The following CPT1A variants were observed in gnomAD, a reference collection of about 807,000 sequenced individuals.
The protein encoded by CPT1A is carnitine palmitoyltransferase 1A, also known as carnitine O-palmitoyltransferase 1, liver isoform.
A neutral mutation model predicts 100.8 loss-of-function variants in CPT1A; 64 were observed. The ratio of observed to expected loss-of-function variants is 0.63; its 90% CI spans 0.52 to 0.78. The LOEUF is 0.78. CPT1A is among the 30% of genes least tolerant of loss of function. The pLI, the probability that CPT1A is intolerant of heterozygous loss-of-function variation, is 0.00. For missense variants in CPT1A, 802 were observed against 1,034.1 expected (o/e 0.78, Z 3.08); for synonymous variants, 363 against 396.0 (o/e 0.92, Z 0.99).
In CPT1A at chr11:68,807,409, C is replaced by T. The variant is rs113332417; in HGVS notation, c.453+58G>A. 1.1e-5 allele frequency: 17 copies of T among 1,558,870 alleles called. No homozygotes were observed. In the African/African-American group the frequency reaches 2.0e-4, roughly 19 times the overall value. ...AGGGGTGTCCTTCCGCAGGGGTGTCCTTCTTCCCAAAGCCCAAACTGTCCA... is the reference window on the plus strand; with the variant it reads ...AGGGGTGTCCTTCCGCAGGGGTGTCTTTCTTCCCAAAGCCCAAACTGTCCA... On this transcript the variant is annotated intron_variant, in intron 4 of 18. Transcript: ENST00000265641.
chr11:68,841,941 G>A, upstream of CPT1A: 1 of 984,954 alleles, frequency 1.0e-6, no homozygotes, highest in Non-Finnish European at 1.2e-6. The surrounding 1 kb of genome is among the most constrained non-coding windows in gnomAD (Gnocchi z 6.3). Flanking sequence ...CGGCTGCGGC[G>A]CCTGCAGGCG....
rs746957592 is a variant in CPT1A at position 68,807,560 on chromosome 11, G to A, written c.360C>T (p.Val120=). The stretch of plus-strand genomic sequence containing the variant: ...GCACTTTCAGGGAGTAGCGCATGGT[G>A]ACGATGAGGGCCACCCACAGGCCGG... ...FGTGLWVALI[V]TMRYSLKVLL... The change falls in exon 4 of 19, where the codon GTC becomes GTT. Residue 120 remains valine, a synonymous_variant. Coordinates refer to ENST00000265641, the MANE Select transcript of CPT1A (RefSeq NM_001876.4). 5 of 1,614,070 alleles carry A rather than the reference G, an allele frequency of 3.1e-6. No homozygotes were observed. The highest frequency in any genetic ancestry group is 2.7e-5 in the African/African-American group (2 of 74,928).
At chr11:68,841,969 G>A, upstream of CPT1A, 4 of 985,340 alleles carry the variant, frequency 4.1e-6, no homozygotes, top group Non-Finnish European at 4.8e-6. This position sits in a 1 kb window ranked among gnomAD's most constrained non-coding sequence, Gnocchi z 6.3. Flanking sequence ...CCCGGCGCGC[G>A]GAGGGCGGGC....
chr11:68,795,814 G>A (rs1855741467), intron 7 of CPT1A, among the ~76,000 whole-genome samples: 1 of 151,860 alleles, frequency 6.6e-6, no homozygotes, highest in African/African-American at 2.4e-5. Flanking sequence ...GGAGGCTGAG[G>A]CAGGAGAATT....
chr11:68,769,990 G>A (rs1854941185), intron 14 of CPT1A, among the ~76,000 whole-genome samples: 1 of 151,578 alleles, frequency 6.6e-6, no homozygotes, highest in Non-Finnish European at 1.5e-5. Flanking sequence ...CGAGTGAGCA[G>A]CCGAGGCTGC....
At chr11:68,784,495 T>C (rs1855397725) in intron 10 of CPT1A, among the ~76,000 whole-genome samples, 1 of 152,042 alleles carries the variant, frequency 6.6e-6, no homozygotes, top group Non-Finnish European at 1.5e-5. Context: ...GACAGTGCCA[T>C]TGCATTCCAG....
At chr11:68,783,307 C>T (rs1032789388) in intron 10 of CPT1A, among the ~76,000 whole-genome samples, 6 of 151,854 alleles carry the variant, frequency 4.0e-5, no homozygotes, top group African/African-American at 1.5e-4. Context: ...CCACCTGAAG[C>T]GGCACCCAGT....
rs1435867047 is a variant in CPT1A at position 68,755,871 on chromosome 11, T to G, written c.*1773A>C. The stretch of plus-strand genomic sequence containing the variant: ...GCTCATGCCTGTAATCCCAGCACTT[T>G]GGGAGGCTGAGGCAGGTGGATCACC... On this transcript the variant is annotated 3_prime_UTR_variant, in exon 19 of 19. Transcript: ENST00000265641. 2.0e-5 allele frequency: 3 copies of G among 150,998 alleles called. No individual in the cohort carries two copies. Among genetic ancestry groups the G allele is most frequent in the African/African-American group, 7.3e-5 (3 of 41,128 alleles). The allele number at this position is 150,998 out of a possible 1,614,324, so 9.4% of individuals were successfully genotyped here. A position where few individuals can be genotyped will look rare whatever the true frequency, so the allele number is the denominator to read the frequency against.
chr11:68,794,649 G>T (rs1201394504), intron 8 of CPT1A, among the ~76,000 whole-genome samples, 155 bp downstream of exon 8: 1 of 152,224 alleles, frequency 6.6e-6, no homozygotes, highest in Non-Finnish European at 1.5e-5. Context: ...AACCTCAGAT[G>T]ATCCGCCTGC....
intron 5 of CPT1A, among the ~76,000 whole-genome samples, chr11:68,801,007 G>A (rs114380248): frequency 0.012 from 1,760 of 152,058 alleles, 34 homozygotes; most frequent in African/African-American, 0.04. Flanking sequence ...TACTTGGGAG[G>A]CTAAGGCAGG....
intron 5 of CPT1A, among the ~76,000 whole-genome samples, chr11:68,800,491 A>C (rs975540449): frequency 2.6e-5 from 3 of 113,934 alleles, no homozygotes; most frequent in African/African-American, 4.3e-5. Context: ...CCATCTCTGC[A>C]AAAAAAAAAA....
At chr11:68,833,112 A>C (rs1452990325) in intron 1 of CPT1A, among the ~76,000 whole-genome samples, 1 of 152,196 alleles carries the variant, frequency 6.6e-6, no homozygotes, top group East Asian at 1.9e-4. Context: ...CCACCTTCAC[A>C]ACATGCATGA....
chr11:68,762,817 G>A (rs1854669496), intron 14 of CPT1A, 56 bp from the exon 15 acceptor site: 33 of 1,606,894 alleles, frequency 2.1e-5, no homozygotes, highest in South Asian at 4.4e-5. Flanking sequence ...TGTCTAAAAC[G>A]TAAGGAAGGA....
Position 68,796,837 on chromosome 11 carries a change from C to A in CPT1A, c.771+19G>T, listed in dbSNP as rs1349769783. The A allele has an allele frequency of 1.9e-6, 3 of 1,612,574 alleles. No homozygotes were observed. The highest frequency in any genetic ancestry group is 2.7e-5 in the African/African-American group (2 of 74,852). On this transcript the variant is annotated intron_variant, in intron 7 of 18. Coordinates refer to ENST00000265641, the MANE Select transcript of CPT1A (RefSeq NM_001876.4). Reference sequence around the variant, plus strand: ...CCCCACCGTCCTCGTCAGACAGCAGCCCGGGCGGGTGGACTCACCATGGCA... The same window carrying A: ...CCCCACCGTCCTCGTCAGACAGCAGACCGGGCGGGTGGACTCACCATGGCA...
chr11:68,780,710 T>C lies in CPT1A; in HGVS notation c.1388A>G (p.Lys463Arg), dbSNP rs1203992335. 6.2e-7 allele frequency: 1 copy of C among 1,614,264 alleles called. No individual in the cohort carries two copies. Among genetic ancestry groups the C allele is most frequent in the Admixed American group, 1.7e-5 (1 of 60,032 alleles). The change falls in exon 12 of 19, where the codon AAA becomes AGA. Residue 463 changes from lysine (K) to arginine (R), a missense_variant. By Grantham distance (26) the Lys-to-Arg change is conservative. This residue lies in a region of CPT1A where 627 missense variants were observed against 799.3 expected (regional missense o/e 0.78). Coordinates refer to ENST00000265641, the MANE Select transcript of CPT1A (RefSeq NM_001876.4). ...AGCGTTGAGGCCCATCTTCCCGTTT[T>C]TGAAGACAACAAACGTGAACGACTT... ...FDKSFTFVVF[K>R]NGKMGLNAEH...
intron 1 of CPT1A, 59 bp from the exon 2 acceptor site, chr11:68,815,546 C>T: frequency 6.5e-7 from 1 of 1,545,876 alleles, no homozygotes; most frequent in Non-Finnish European, 8.9e-7. Flanking sequence ...ACTAAAAAAC[C>T]CTCATACAGA....
chr11:68,780,597 C>G, intron 12 of CPT1A, 43 bp downstream of exon 12: 1 of 1,581,072 alleles, frequency 6.3e-7, no homozygotes, highest in South Asian at 1.1e-5. Context: ...TTTGGATTTT[C>G]AAAAGCAACT....
chr11:68,839,867 G>A (rs887843996), intron 1 of CPT1A, among the ~76,000 whole-genome samples: 1 of 152,214 alleles, frequency 6.6e-6, no homozygotes, highest in African/African-American at 2.4e-5. Flanking sequence ...GTATCGGAAG[G>A]GACCCAGTTT....
intron 12 of CPT1A, among the ~76,000 whole-genome samples, chr11:68,778,035 G>A (rs1420531032): frequency 6.6e-6 from 1 of 151,902 alleles, no homozygotes; most frequent in Non-Finnish European, 1.5e-5. Context: ...TTTTTATCAG[G>A]TATTAATGTC....
Sources: allele counts gnomAD v4.1 joint callset (sites outside exome capture counted in the v4.1 genomes callset), GRCh38; gene constraint gnomAD v4.1.1; regional missense constraint gnomAD v4.1.1; non-coding constraint Gnocchi (gnomAD v3.1); transcripts MANE v1.5; gene names NCBI Gene and HGNC (gene_info 2026-07-23, HGNC 2026-07-21).